SYT16: variants seen among roughly 807,000 people sequenced by gnomAD.
SYT16 encodes synaptotagmin-16.
In SYT16, 42 loss-of-function variants were observed where a neutral mutation model predicts 61.4. That is an observed-to-expected ratio of 0.68 (90% CI 0.53 to 0.89). The LOEUF is 0.89. Ranked by LOEUF, SYT16 falls within the 40% of genes least tolerant of loss-of-function variation. SYT16 has a pLI of 0.00. For missense variants in SYT16, 804 were observed against 807.3 expected, an observed-to-expected ratio of 1.00 and a Z score of 0.05; for synonymous variants, 314 against 302.3, an observed-to-expected ratio of 1.04 and a Z score of -0.40.
intron 1 of SYT16, among the ~76,000 whole-genome samples, chr14:61,814,883 C>T (rs928659921): frequency 1.2e-4 from 18 of 152,132 alleles, no homozygotes; most frequent in African/African-American, 3.9e-4. Context: ...GTTTGCAGCC[C>T]GAAGTCCTAC....
chr14:61,900,179 G>A (rs1407941029), intron 1 of SYT16, among the ~76,000 whole-genome samples: 1 of 128,224 alleles, frequency 7.8e-6, no homozygotes, highest in East Asian at 2.3e-4. Flanking sequence ...TTTTTTTTGA[G>A]ATGGAGTCTC....
intron 1 of SYT16, among the ~76,000 whole-genome samples, chr14:61,912,797 A>G (rs2048982455): frequency 6.6e-6 from 1 of 152,188 alleles, no homozygotes; most frequent in African/African-American, 2.4e-5. Flanking sequence ...AGGAGCTACA[A>G]AGATAAAGAT....
chr14:62,100,288 G>C, intron 7 of SYT16, 106 bp from the exon 8 acceptor site: 1 of 1,003,660 alleles, frequency 1.0e-6, no homozygotes, highest in Non-Finnish European at 1.4e-6. Context: ...TCAGTATGTT[G>C]AAAGGAGAAA....
chr14:61,953,107 A>AGTGTAACTT (rs1465238554), intron 1 of SYT16, among the ~76,000 whole-genome samples: 15 of 152,168 alleles, frequency 9.9e-5, no homozygotes, highest in African/African-American at 3.6e-4. Context: ...TAAAGCTCTC[A>AGTGTAACTT]GTGTAACTTG....
chr14:61,812,636 GGCGGCGCGGGGCGGC>G (rs891500824), upstream of SYT16: 16 of 146,084 alleles, frequency 1.1e-4, no homozygotes, highest in South Asian at 1.9e-4. Context: ...CTGGGCGCGG[GGCGGCGCGGGGCGGC>G]GCGGCGCGGC....
intron 3 of SYT16, among the ~76,000 whole-genome samples, chr14:61,997,880 C>T (rs1441840716): frequency 6.6e-6 from 1 of 151,998 alleles, no homozygotes; most frequent in Non-Finnish European, 1.5e-5. Flanking sequence ...CAATTGTGTT[C>T]ATCTGGCCTT....
intron 7 of SYT16, among the ~76,000 whole-genome samples, chr14:62,087,619 G>C (rs973801915): frequency 2.6e-5 from 4 of 152,216 alleles, no homozygotes; most frequent in Non-Finnish European, 5.9e-5. Context: ...ACAGCGGCTA[G>C]GATTTAGAAG....
chr14:62,057,489 A>G (rs2055618031), intron 3 of SYT16, among the ~76,000 whole-genome samples: 2 of 152,188 alleles, frequency 1.3e-5, no homozygotes, highest in African/African-American at 2.4e-5. Flanking sequence ...AGGTTTGTCT[A>G]GGAACTCACA....
intron 7 of SYT16, among the ~76,000 whole-genome samples, chr14:62,093,753 A>G (rs2057174763): frequency 1.3e-5 from 2 of 152,172 alleles, no homozygotes; most frequent in Non-Finnish European, 2.9e-5. Context: ...AATAGATGCA[A>G]AAAGTTGCTT....
chr14:61,994,076 G>A (rs2052667405), intron 2 of SYT16, among the ~76,000 whole-genome samples: 1 of 152,142 alleles, frequency 6.6e-6, no homozygotes, highest in African/African-American at 2.4e-5. Flanking sequence ...TAGTATGTGA[G>A]GGAACTAGGG....
intron 1 of SYT16, among the ~76,000 whole-genome samples, chr14:61,922,979 G>T (rs1188650475): frequency 1.3e-5 from 2 of 151,206 alleles, no homozygotes; most frequent in Non-Finnish European, 2.9e-5. Context: ...AACCCGGGAG[G>T]CAGAGGTTGC....
chr14:62,024,798 C>G (rs1050619317), intron 3 of SYT16, among the ~76,000 whole-genome samples: 1 of 152,072 alleles, frequency 6.6e-6, no homozygotes, highest in African/African-American at 2.4e-5. Flanking sequence ...TCATAACTCC[C>G]TCCTCACTAA....
rs1353291923 is a variant in SYT16 at position 62,069,897 on chromosome 14, C to G, written c.736+82C>G. 10 of 1,452,346 alleles carry G rather than the reference C, an allele frequency of 6.9e-6. No homozygotes were observed. The Admixed American group carries it at 1.8e-4, about 27-fold the overall frequency. The allele number at this position is 1,452,346 out of a possible 1,614,324, so 90.0% of individuals were successfully genotyped here. The stretch of plus-strand genomic sequence containing the variant: ...ATCCGAATTATTCACCCTCTGCACT[C>G]TGCATCTGAGAGTCCAGAGAGGAAA... On this transcript the variant is annotated intron_variant, in intron 4 of 7. Coordinates refer to ENST00000683842, the MANE Select transcript of SYT16 (RefSeq NM_001367656.1).
In SYT16 at chr14:61,924,704, A is replaced by G. The variant is rs1027679044; in HGVS notation, c.-324-45428A>G. On this transcript the variant is annotated intron_variant, in intron 1 of 7. Coordinates refer to ENST00000683842, the MANE Select transcript of SYT16 (RefSeq NM_001367656.1). The stretch of plus-strand genomic sequence containing the variant: ...CTTGCTTATGAGAGACCTAGCAGAA[A>G]TATTCCTCAGTTTCTTATTATGTAA... Among the ~76,000 whole-genome samples, 4 of 152,226 alleles carry G rather than the reference A, an allele frequency of 2.6e-5. No individual in the cohort carries two copies. In the South Asian group the frequency reaches 8.3e-4, roughly 32 times the overall value.
In SYT16 at chr14:61,906,780, T is replaced by C. The variant is rs369271821; in HGVS notation, c.-324-63352T>C. The stretch of plus-strand genomic sequence containing the variant: ...GTCCGTCCGTCAATCCATCCATCCG[T>C]CCGTCCGTCCATCCATCCATCCATC... On this transcript the variant is annotated intron_variant, in intron 1 of 7. Transcript: ENST00000683842. Among the ~76,000 whole-genome samples the C allele has an allele frequency of 3.6e-5, 4 of 112,096 alleles. No individual in the cohort carries two copies. The East Asian group carries it at 1.1e-3, about 30-fold the overall frequency. The allele number at this position is 112,096 out of a possible 152,430, so 73.5% of individuals were successfully genotyped here.
At chr14:61,947,930 A>G (rs568244818) in intron 1 of SYT16, among the ~76,000 whole-genome samples, 2 of 152,154 alleles carry the variant, frequency 1.3e-5, no homozygotes, top group Non-Finnish European at 2.9e-5. Flanking sequence ...TATTCCAGGG[A>G]CAGTGATTAT....
intron 3 of SYT16, among the ~76,000 whole-genome samples, chr14:62,065,949 T>C (rs993498518): frequency 1.3e-5 from 2 of 152,098 alleles, no homozygotes; most frequent in African/African-American, 4.8e-5. Context: ...GACACTTAGG[T>C]TTTCAAGCCC....
At chr14:61,897,974 A>T (rs1024558417) in intron 1 of SYT16, among the ~76,000 whole-genome samples, 1 of 152,122 alleles carries the variant, frequency 6.6e-6, no homozygotes, top group Non-Finnish European at 1.5e-5. Flanking sequence ...ACTCAAATCA[A>T]ATGATTTCTA....
intron 1 of SYT16, among the ~76,000 whole-genome samples, chr14:61,929,517 A>G (rs1470953888): frequency 6.6e-6 from 1 of 152,186 alleles, no homozygotes; most frequent in Middle Eastern, 3.2e-3. Flanking sequence ...TGTTTCAGGG[A>G]AGAATACTTG....
Sources: allele counts gnomAD v4.1 joint callset (sites outside exome capture counted in the v4.1 genomes callset), GRCh38; gene constraint gnomAD v4.1.1; transcripts MANE v1.5; gene names NCBI Gene and HGNC (gene_info 2026-07-23, HGNC 2026-07-21).